Variants in NDUFS7 observed in about 807,000 individuals in gnomAD.
NDUFS7 encodes NADH:ubiquinone oxidoreductase core subunit S7, also known as NADH dehydrogenase [ubiquinone] iron-sulfur protein 7, mitochondrial.
Under a neutral mutation model 31.1 loss-of-function variants are expected in NDUFS7, and 11 were observed. The ratio of observed to expected loss-of-function variants is 0.35; its 90% confidence interval spans 0.22 to 0.59. NDUFS7 has a LOEUF of 0.59. Ranked by LOEUF, NDUFS7 falls within the 20% of genes least tolerant of loss-of-function variation. The pLI is 0.79. For synonymous variants in NDUFS7, 136 were observed against 127.9 expected (o/e 1.06, Z -0.43); for missense variants, 263 against 324.2 (o/e 0.81, Z 1.45).
chr19:1,394,516 C>T (rs1175073855), intron 7 of NDUFS7: 19 of 1,242,556 alleles, frequency 1.5e-5, no homozygotes, highest in Non-Finnish European at 4.1e-6. Flanking sequence ...GACCGTGCTC[C>T]TCCCTCCCTC....
intron 7 of NDUFS7, chr19:1,394,049 G>C (rs1041505652): frequency 2.1e-5 from 6 of 283,738 alleles, no homozygotes; most frequent in African/African-American, 1.3e-4. Context: ...ACAGGGGACA[G>C]AGTCCTGTTC....
chr19:1,395,525 T>G lies in NDUFS7; in HGVS notation c.*37T>G. ...CCGCCGCCGGAGCCTGTCGCCGTCC[T>G]GTCCCCAGCCTGCTTGTGTCCCGTG... On this transcript the variant is annotated 3_prime_UTR_variant, in exon 8 of 8. Coordinates refer to ENST00000233627, the MANE Select transcript of NDUFS7 (RefSeq NM_024407.5). 1 of 1,552,984 alleles carries G rather than the reference T, an allele frequency of 6.4e-7. No individual in the cohort carries two copies.
Position 1,393,259 on chromosome 19 carries a change from G to T in NDUFS7, c.473G>T (p.Gly158Val). Residue 158 changes from glycine to valine, a missense_variant, in exon 7 of 8, where the codon GGC becomes GTC. Transcript: ENST00000233627. The surrounding 1 kb of genome is among the most constrained non-coding windows in gnomAD (Gnocchi z 7.3). Reference protein sequence around the residue: ...VSMGSCANGGGYYHYSYSVVR... With the variant: ...VSMGSCANGGVYYHYSYSVVR... ...CCCAACAGCTGCGCCAACGGAGGAG[G>T]CTACTACCACTATTCCTACTCGGTG... 1 of 1,577,642 alleles carries T rather than the reference G, an allele frequency of 6.3e-7. No individual in the cohort carries two copies. The highest frequency in any genetic ancestry group is 8.6e-7 in the Non-Finnish European group (1 of 1,162,818).
intron 7 of NDUFS7, chr19:1,394,713 T>G (rs1600154488): frequency 6.7e-6 from 8 of 1,198,102 alleles, no homozygotes; most frequent in Admixed American, 3.4e-5. Flanking sequence ...TGCTTCTCCC[T>G]CCCTTGGAGC....
At chr19:1,395,336 C>T (rs924132344) in intron 7 of NDUFS7, 55 bp from the exon 8 acceptor site, 8 of 1,563,482 alleles carry the variant, frequency 5.1e-6, no homozygotes, top group South Asian at 1.2e-5. Context: ...GCGCTGTGCA[C>T]GCGGTCACGC....
chr19:1,389,449 C>T (rs1389817989), intron 4 of NDUFS7: 9 of 457,922 alleles, frequency 2.0e-5, no homozygotes, highest in Admixed American at 1.9e-4. Flanking sequence ...GCGGACCCTC[C>T]CGGAGGCCCC....
At chr19:1,384,593 T>C (rs1015695352) in intron 1 of NDUFS7, among the ~76,000 whole-genome samples, 14 of 152,236 alleles carry the variant, frequency 9.2e-5, no homozygotes, top group African/African-American at 3.4e-4. Context: ...TGAAACCTGA[T>C]TGGCGACTTA....
rs2074895 is a variant in NDUFS7 at position 1,390,758 on chromosome 19, C to A, written c.229-113C>A. 755,833 of 1,282,006 alleles carry A rather than the reference C, an allele frequency of 0.59. 227,205 individuals carry two copies. Among genetic ancestry groups the A allele is most frequent in the Middle Eastern group, 0.63 (2,531 of 3,988 alleles). 79.4% of individuals were successfully genotyped at this position (1,282,006 alleles called of 1,614,324 possible). A position where few individuals can be genotyped will look rare whatever the true frequency, so the allele number is the denominator to read the frequency against. On this transcript the variant is annotated intron_variant, in intron 4 of 7. Transcript: ENST00000233627. ...GGAGCCGCTGTGCCTCTCACCTCTGCCGGCTGCCGCCCCGGGACATGAGTC... is the reference window on the plus strand; with the variant it reads ...GGAGCCGCTGTGCCTCTCACCTCTGACGGCTGCCGCCCCGGGACATGAGTC...
In NDUFS7 at chr19:1,395,230, C is replaced by T. The variant is rs563269587; in HGVS notation, c.545-161C>T. The T allele has an allele frequency of 4.4e-5, 63 of 1,438,036 alleles. No individual in the cohort carries two copies. The African/African-American group carries it at 5.3e-4, about 12-fold the overall frequency. The allele number at this position is 1,438,036 out of a possible 1,614,324, so 89.1% of individuals were successfully genotyped here. On this transcript the variant is annotated intron_variant, in intron 7 of 7. Coordinates refer to ENST00000233627, the MANE Select transcript of NDUFS7 (RefSeq NM_024407.5). ...ACTCTTCCTGCAGGGACCTCCCCTG[C>T]GCCGGCTCCCAGTCCCTGGCACTGC...
At chr19:1,392,982 G>A (rs1232159303) in intron 6 of NDUFS7, 7 of 569,870 alleles carry the variant, frequency 1.2e-5, no homozygotes, top group African/African-American at 5.6e-5. Flanking sequence ...TCCCAGCCCC[G>A]GGAATCGGTG....
chr19:1,388,310 T>G (rs2144612378), intron 2 of NDUFS7: 1 of 620,458 alleles, frequency 1.6e-6, no homozygotes, highest in East Asian at 2.8e-5. Context: ...GCTGGGTACG[T>G]CACAAAAGAA....
At chr19:1,394,121 G>A (rs1392956039) in intron 7 of NDUFS7, 3 of 338,546 alleles carry the variant, frequency 8.9e-6, no homozygotes, top group East Asian at 8.0e-5. Context: ...CCTGAGTCCC[G>A]AGTCTGGGGG....
intron 7 of NDUFS7, chr19:1,395,029 CG>C (rs2082586380): frequency 8.5e-7 from 1 of 1,172,308 alleles, no homozygotes; most frequent in Non-Finnish European, 1.1e-6. Flanking sequence ...AGGGCAGCCC[CG>C]GGCCCTGCTC....
chr19:1,390,479 G>T (rs747106307), intron 4 of NDUFS7: 21 of 303,090 alleles, frequency 6.9e-5, no homozygotes, highest in African/African-American at 4.4e-4. Context: ...TCCTGGAGGC[G>T]TCGCACTTGG....
In NDUFS7 at chr19:1,395,529, C is replaced by T; in HGVS notation, c.*41C>T. ...CGCCGGAGCCTGTCGCCGTCCTGTC[C>T]CCAGCCTGCTTGTGTCCCGTGAGGT... On this transcript the variant is annotated 3_prime_UTR_variant, in exon 8 of 8. Coordinates refer to ENST00000233627, the MANE Select transcript of NDUFS7 (RefSeq NM_024407.5). 1.3e-6 allele frequency: 2 copies of T among 1,550,606 alleles called. No homozygotes were observed. Among genetic ancestry groups the T allele is most frequent in the Non-Finnish European group, 1.7e-6 (2 of 1,146,460 alleles).
chr19:1,389,300 T>C, intron 4 of NDUFS7: 2 of 534,846 alleles, frequency 3.7e-6, no homozygotes, highest in South Asian at 1.6e-5. Flanking sequence ...TGCACATATA[T>C]GCACAGTCAT....
At chr19:1,391,741 C>G (rs1021184115) in intron 6 of NDUFS7, 18 of 158,884 alleles carry the variant, frequency 1.1e-4, no homozygotes, top group African/African-American at 4.1e-4. Flanking sequence ...CCTCGGCCTC[C>G]CAAAGTGCTG....
In NDUFS7 at chr19:1,388,946, C is replaced by T. The variant is rs1408180356; in HGVS notation, c.228+8C>T. 1 of 1,599,292 alleles carries T rather than the reference C, an allele frequency of 6.3e-7. No homozygotes were observed. The highest frequency in any genetic ancestry group is 8.5e-7 in the Non-Finnish European group (1 of 1,172,874). On this transcript the variant is annotated splice_region_variant and intron_variant, in intron 4 of 7. Transcript: ENST00000233627. The stretch of plus-strand genomic sequence containing the variant: ...GTCAACTGGGCCCGCCGGGTGAGTA[C>T]TATGAGCTGTAGGCCCTCCTCGAGC...
chr19:1,386,098 C>A (rs1232439346), intron 1 of NDUFS7, among the ~76,000 whole-genome samples: 1 of 152,186 alleles, frequency 6.6e-6, no homozygotes, highest in African/African-American at 2.4e-5. Flanking sequence ...GAAACAGCAA[C>A]CCCGGATGAG....
Sources: gnomAD v4.1 joint callset for allele counts (sites outside exome capture counted in the v4.1 genomes callset) on GRCh38, gnomAD v4.1.1 for gene constraint, Gnocchi (gnomAD v3.1) non-coding constraint, MANE v1.5 for transcripts, NCBI Gene and HGNC (gene_info 2026-07-23, HGNC 2026-07-21) for gene names.